Variants in TMEM97 observed in about 807,000 individuals in gnomAD.
TMEM97 encodes the protein transmembrane protein 97, also known as sigma intracellular receptor 2.
In TMEM97, 13 loss-of-function variants were observed where a neutral mutation model predicts 18.3. That is an observed-to-expected ratio of 0.71 (90% confidence interval 0.46 to 1.13). The LOEUF is 1.13. TMEM97 is among the 50% of genes most tolerant of loss of function. The pLI, the probability that TMEM97 is intolerant of heterozygous loss-of-function variation, is 0.00. For missense variants in TMEM97, 205 were observed against 210.5 expected (o/e 0.97, Z 0.16); for synonymous variants, 76 against 85.3 (o/e 0.89, Z 0.60).
chr17:28,322,088 C>T (rs1555574947), intron 1 of TMEM97, among the ~76,000 whole-genome samples: 1 of 151,892 alleles, frequency 6.6e-6, no homozygotes, highest in Non-Finnish European at 1.5e-5. Context: ...TCATTTTCTT[C>T]CTGAAATAGA....
At chr17:28,324,922 A>G (rs540481141) in intron 1 of TMEM97, among the ~76,000 whole-genome samples, 5 of 152,336 alleles carry the variant, frequency 3.3e-5, no homozygotes, top group African/African-American at 9.6e-5. Context: ...CCAAAATTAC[A>G]TCGCCACAGA....
rs573101328 is a variant in TMEM97 at position 28,325,593 on chromosome 17, G to A, written c.217G>A (p.Glu73Lys). 9.3e-6 allele frequency: 15 copies of A among 1,614,190 alleles called. No homozygotes were observed. The highest frequency in any genetic ancestry group is 4.4e-5 in the South Asian group (4 of 91,090). Residue 73 changes from glutamate to lysine, a missense_variant, in exon 2 of 3, where the codon GAG becomes AAG. Physicochemically the swap from Glu to Lys is moderately conservative, Grantham distance 56 (BLOSUM62 1). Coordinates refer to ENST00000226230, the MANE Select transcript of TMEM97 (RefSeq NM_014573.3). Reference sequence around the variant, plus strand: ...CTGGTTTAAGTCCTTTCTGTTTTGCGAGCTTGTGTTTCAGCTGCCTTTCTT... The same window carrying A: ...CTGGTTTAAGTCCTTTCTGTTTTGCAAGCTTGTGTTTCAGCTGCCTTTCTT... The part of the protein sequence containing the change: ...PAWFKSFLFC[E>K]LVFQLPFFPI...
chr17:28,327,161 G>T lies in TMEM97; in HGVS notation c.*368G>T. The T allele has an allele frequency of 4.6e-6, 1 of 218,642 alleles. No homozygotes were observed. The highest frequency in any genetic ancestry group is 9.3e-6 in the Non-Finnish European group (1 of 107,452). The allele number at this position is 218,642 out of a possible 1,614,324, so 13.5% of individuals were successfully genotyped here. A position where few individuals can be genotyped will look rare whatever the true frequency, so the allele number is the denominator to read the frequency against. On this transcript the variant is annotated 3_prime_UTR_variant, in exon 3 of 3. Coordinates refer to ENST00000226230, the MANE Select transcript of TMEM97 (RefSeq NM_014573.3). ...TGTTTTTTTTGTGTGTGTGGAGACA[G>T]GGTTTTGCCATGTTGCCCAGGTTGG...
chr17:28,320,347 T>C (rs1438982957), intron 1 of TMEM97, among the ~76,000 whole-genome samples: 2 of 152,224 alleles, frequency 1.3e-5, no homozygotes, highest in East Asian at 3.8e-4. Context: ...TCAAGGGGCC[T>C]AACTCTCCCA....
chr17:28,325,412 A>G, intron 1 of TMEM97, 91 bp from the exon 2 acceptor site: 1 of 1,515,302 alleles, frequency 6.6e-7, no homozygotes, highest in Admixed American at 2.2e-5. Context: ...CTAATTAATG[A>G]CAGGCTCCTC....
Position 28,326,870 on chromosome 17 carries a change from C to G in TMEM97, c.*77C>G. 2.0e-6 allele frequency: 3 copies of G among 1,503,182 alleles called. No individual in the cohort carries two copies. Among genetic ancestry groups the G allele is most frequent in the Non-Finnish European group, 2.7e-6 (3 of 1,123,654 alleles). 93.1% of individuals were successfully genotyped at this position (1,503,182 alleles called of 1,614,324 possible). On this transcript the variant is annotated 3_prime_UTR_variant, in exon 3 of 3. Transcript: ENST00000226230. ...TGGATACAATACAAGGAACACTGCT[C>G]AGAACCCACGTCTTCAGCAGCATTT...
In TMEM97 at chr17:28,326,726, T is replaced by C; in HGVS notation, c.464T>C (p.Phe155Ser). The C allele has an allele frequency of 1.2e-6, 2 of 1,614,028 alleles. No individual in the cohort carries two copies. The highest frequency in any genetic ancestry group is 1.7e-6 in the Non-Finnish European group (2 of 1,180,010). ...TATGCCCCCTACTTACTCATCCCAT[T>C]CATACTTTTAATTTTCATGTTGCGG... ...SVYAPYLLIP[F>S]ILLIFMLRSP... Residue 155 changes from phenylalanine to serine, a missense_variant, in exon 3 of 3, where the codon TTC becomes TCC. By Grantham distance (155) the Phe-to-Ser change is radical. Coordinates refer to ENST00000226230, the MANE Select transcript of TMEM97 (RefSeq NM_014573.3).
chr17:28,324,952 T>C (rs1906274921), intron 1 of TMEM97, among the ~76,000 whole-genome samples: 1 of 151,998 alleles, frequency 6.6e-6, no homozygotes, highest in Non-Finnish European at 1.5e-5. Flanking sequence ...TACTTCCCCT[T>C]TCACTCCCAC....
chr17:28,321,049 A>AT (rs1906122485), intron 1 of TMEM97, among the ~76,000 whole-genome samples: 1 of 152,220 alleles, frequency 6.6e-6, no homozygotes, highest in Admixed American at 6.5e-5. Context: ...TTTGGGGGCC[A>AT]TTATTCAGCC....
rs781796954 is a variant in TMEM97, at chr17:28,319,385, T to C, written c.126+20T>C. On this transcript the variant is annotated intron_variant, in intron 1 of 2. Coordinates refer to ENST00000226230, the MANE Select transcript of TMEM97 (RefSeq NM_014573.3). ...GTCGAGGTGAGGGGCGCCCCTCTTATCCCGGCCCGCTGAGGCTCTCCCGGC... is the reference window on the plus strand; with the variant it reads ...GTCGAGGTGAGGGGCGCCCCTCTTACCCCGGCCCGCTGAGGCTCTCCCGGC... 1 of 1,507,482 alleles carries C rather than the reference T, an allele frequency of 6.6e-7. No homozygotes were observed. The highest frequency in any genetic ancestry group is 8.8e-7 in the Non-Finnish European group (1 of 1,135,814). 93.4% of individuals were successfully genotyped at this position (1,507,482 alleles called of 1,614,324 possible). A position where few individuals can be genotyped will look rare whatever the true frequency, so the allele number is the denominator to read the frequency against.
At chr17:28,322,914 T>C (rs981710498) in intron 1 of TMEM97, among the ~76,000 whole-genome samples, 3 of 152,230 alleles carry the variant, frequency 2.0e-5, no homozygotes, top group African/African-American at 7.2e-5. Context: ...GAGCTGCGAT[T>C]TTAATGGGAT....
In TMEM97 at chr17:28,326,622, T is replaced by A. The variant is rs1312022746; in HGVS notation, c.360T>A (p.Phe120Leu). ...TTCCGATACTCTCCACATTTCTGTT[T>A]GAGGATTTCTCCAAAGCCAGTGGTT... The part of the protein sequence containing the change: ...TLIPILSTFL[F>L]EDFSKASGFK... The change falls in exon 3 of 3, where the codon TTT (phenylalanine) becomes TTA (leucine). Residue 120 changes from phenylalanine to leucine, a missense_variant. Transcript: ENST00000226230. 3.1e-6 allele frequency: 5 copies of A among 1,614,090 alleles called. No individual in the cohort carries two copies. The highest frequency in any genetic ancestry group is 4.2e-6 in the Non-Finnish European group (5 of 1,180,038).
In TMEM97 at chr17:28,328,415, C is replaced by A; in HGVS notation, c.*1622C>A. On this transcript the variant is annotated 3_prime_UTR_variant, in exon 3 of 3. Transcript: ENST00000226230. ...TGAAAGTTTACAAACTGCTTAGTTC[C>A]AACTAAGCATAAGAGGTGAGAACGT... 1 of 435,480 alleles carries A rather than the reference C, an allele frequency of 2.3e-6. No homozygotes were observed. The highest frequency in any genetic ancestry group is 4.1e-6 in the Non-Finnish European group (1 of 246,234). 27.0% of individuals were successfully genotyped at this position (435,480 alleles called of 1,614,324 possible).
intron 2 of TMEM97, 108 bp downstream of exon 2, chr17:28,325,755 G>C: frequency 6.9e-7 from 1 of 1,450,438 alleles, no homozygotes; most frequent in Non-Finnish European, 9.4e-7. Flanking sequence ...GTTTGTGGGA[G>C]AATGCTACAG....
chr17:28,319,307 C>G lies in TMEM97; in HGVS notation c.68C>G (p.Pro23Arg). The G allele has an allele frequency of 6.2e-7, 1 of 1,611,344 alleles. No individual in the cohort carries two copies. The highest frequency in any genetic ancestry group is 8.5e-7 in the Non-Finnish European group (1 of 1,178,824). ...LLGLYFLSHI[P>R]ITLFMDLQAV... ...GGCCTCTACTTCCTCAGCCACATCC[C>G]CATCACCCTGTTCATGGACCTGCAG... The change falls in exon 1 of 3, where the codon CCC (proline) becomes CGC (arginine). Residue 23 changes from proline to arginine, a missense_variant. Transcript: ENST00000226230.
At chr17:28,321,055 C>A (rs1230238597) in intron 1 of TMEM97, among the ~76,000 whole-genome samples, 1 of 152,238 alleles carries the variant, frequency 6.6e-6, no homozygotes, top group Non-Finnish European at 1.5e-5. Context: ...GGCCATTATT[C>A]AGCCTACTAC....
In TMEM97 at chr17:28,328,447, C is replaced by T; in HGVS notation, c.*1654C>T. On this transcript the variant is annotated 3_prime_UTR_variant, in exon 3 of 3. Coordinates refer to ENST00000226230, the MANE Select transcript of TMEM97 (RefSeq NM_014573.3). ...GCATAAGAGGTGAGAACGTACACTG[C>T]AGGGCCACCAGCAGCAGCTGTGCAC... 1.8e-6 allele frequency: 1 copy of T among 566,830 alleles called. No individual in the cohort carries two copies. 35.1% of individuals were successfully genotyped at this position (566,830 alleles called of 1,614,324 possible).
chr17:28,324,263 T>G (rs1906251936), intron 1 of TMEM97, among the ~76,000 whole-genome samples: 1 of 152,232 alleles, frequency 6.6e-6, no homozygotes, highest in Admixed American at 6.5e-5. Flanking sequence ...AATTTCAAAT[T>G]AAGTACAAAT....
In TMEM97 at chr17:28,325,436, A is replaced by T. The variant is rs1220860642; in HGVS notation, c.127-67A>T. ...GACAGGCTCCTCCAGTGTATTTTCA[A>T]ATGAGCTAGCGCCGAGCCTGTTGAG... On this transcript the variant is annotated intron_variant, in intron 1 of 2. Coordinates refer to ENST00000226230, the MANE Select transcript of TMEM97 (RefSeq NM_014573.3). The T allele has an allele frequency of 5.1e-6, 8 of 1,570,408 alleles. No homozygotes were observed. In the Admixed American group the frequency reaches 9.6e-5, roughly 19 times the overall value.
Sources: gnomAD v4.1 joint callset for allele counts (sites outside exome capture counted in the v4.1 genomes callset) on GRCh38, gnomAD v4.1.1 for gene constraint, MANE v1.5 for transcripts, NCBI Gene and HGNC (gene_info 2026-07-23, HGNC 2026-07-21) for gene names.